Variants in ARID2 observed in about 807,000 individuals in gnomAD.
ARID2 encodes AT-rich interactive domain-containing protein 2.
A neutral mutation model predicts 184.6 loss-of-function variants in ARID2; 32 were observed. The observed-to-expected ratio is 0.17, with a 90% CI of 0.13 to 0.23. The LOEUF is 0.23. ARID2 is among the 10% of genes least tolerant of loss of function. The pLI is 1.00. For synonymous variants in ARID2, 836 were observed against 772.6 expected (o/e 1.08, Z -1.36); for missense variants, 1,696 against 2,197.6 (o/e 0.77, Z 4.56).
intron 16 of ARID2, chr12:45,881,494 T>C (rs750929665): frequency 6.5e-6 from 1 of 153,050 alleles, no homozygotes; most frequent in African/African-American, 2.4e-5. Flanking sequence ...AGTTTCTTCT[T>C]TGCTGTGACC....
chr12:45,783,597 C>T (rs953208596), intron 3 of ARID2, among the ~76,000 whole-genome samples: 4 of 152,216 alleles, frequency 2.6e-5, no homozygotes, highest in Non-Finnish European at 5.9e-5. Context: ...TCATTAGATT[C>T]TCATAATGAG....
chr12:45,788,870 A>G (rs1038690525), intron 3 of ARID2, among the ~76,000 whole-genome samples: 3 of 152,246 alleles, frequency 2.0e-5, no homozygotes, highest in Non-Finnish European at 4.4e-5. Context: ...GATCATGTGT[A>G]TTAAATAAAT....
At chr12:45,790,163 A>G (rs575748310) in intron 3 of ARID2, among the ~76,000 whole-genome samples, 1 of 152,242 alleles carries the variant, frequency 6.6e-6, no homozygotes, top group African/African-American at 2.4e-5. Context: ...GTTTATTAGT[A>G]CTTTTATTAT....
chr12:45,848,728 A>G, intron 12 of ARID2, 108 bp from the exon 13 acceptor site: 1 of 872,250 alleles, frequency 1.1e-6, no homozygotes, highest in Non-Finnish European at 1.6e-6. Context: ...TTTGATTAGT[A>G]GGTATAATTA....
Position 45,772,958 on chromosome 12 carries a change from G to A in ARID2, c.285-38460G>A, listed in dbSNP as rs185202064. 1.3e-3 allele frequency among the ~76,000 whole-genome samples: 202 copies of A among 152,248 alleles called. 1 individual carries two copies. Among genetic ancestry groups the A allele is most frequent in the Non-Finnish European group, 2.5e-3 (172 of 67,994 alleles). ...CACTATCCAACAGTAGCAGAATATG[G>A]ATTTTTCTGTAGTGCAAACGGAATA... On this transcript the variant is annotated intron_variant, in intron 3 of 20. Transcript: ENST00000334344.
chr12:45,779,067 A>G (rs1009869896), intron 3 of ARID2, among the ~76,000 whole-genome samples: 3 of 151,900 alleles, frequency 2.0e-5, no homozygotes, highest in African/African-American at 7.2e-5. Context: ...CATAATTTTA[A>G]CTTCTTTTTA....
intron 6 of ARID2, among the ~76,000 whole-genome samples, chr12:45,835,779 A>G (rs1271230512): frequency 1.3e-5 from 2 of 152,082 alleles, no homozygotes; most frequent in African/African-American, 2.4e-5. Context: ...GCGTGCCTAT[A>G]ATTCCAGCTA....
chr12:45,882,870 A>T (rs1804252488), intron 16 of ARID2, among the ~76,000 whole-genome samples: 1 of 152,256 alleles, frequency 6.6e-6, no homozygotes, highest in Admixed American at 6.5e-5. Context: ...TGCACATAAA[A>T]TGCTTTTAAC....
At position 45,839,364 on chromosome 12, in the gene ARID2, A is replaced by C; in HGVS notation, c.1366A>C (p.Met456Leu). The C allele has an allele frequency of 6.2e-7, 1 of 1,613,298 alleles. No homozygotes were observed. The highest frequency in any genetic ancestry group is 8.5e-7 in the Non-Finnish European group (1 of 1,179,834). The change falls in exon 11 of 21, where the codon ATG (methionine) becomes CTG (leucine). Residue 456 changes from methionine (M) to leucine (L), a missense_variant. By Grantham distance (15) the Met-to-Leu change is conservative. Transcript: ENST00000334344. Reference sequence around the variant, plus strand: ...GTGTCTGGTTTCTATGGATATTCAGATGTTTGGCCCTGATGCACTAGCTGC... The same window carrying C: ...GTGTCTGGTTTCTATGGATATTCAGCTGTTTGGCCCTGATGCACTAGCTGC... ...LVCLVSMDIQ[M>L]FGPDALAAVK...
At chr12:45,832,520 A>C (rs892803423) in intron 6 of ARID2, among the ~76,000 whole-genome samples, 2 of 151,950 alleles carry the variant, frequency 1.3e-5, no homozygotes, top group African/African-American at 4.8e-5. Context: ...TTCGCTACCC[A>C]GGCTGGAGTG....
At chr12:45,788,464 G>A (rs1363041493) in intron 3 of ARID2, among the ~76,000 whole-genome samples, 3 of 152,046 alleles carry the variant, frequency 2.0e-5, no homozygotes, top group Non-Finnish European at 4.4e-5. Flanking sequence ...TGACCCTGAT[G>A]TATCTTTATT....
In ARID2 at chr12:45,905,565, G is replaced by A; in HGVS notation, c.*487G>A. On this transcript the variant is annotated 3_prime_UTR_variant, in exon 21 of 21. Transcript: ENST00000334344. ...ACACCTATACCCCCGATCTCAGAGG[G>A]GGCCACCAATATCTAGCTATGGATC... The A allele has an allele frequency of 4.3e-6, 1 of 233,308 alleles. No individual in the cohort carries two copies. Among genetic ancestry groups the A allele is most frequent in the Non-Finnish European group, 8.5e-6 (1 of 117,878 alleles). The allele number at this position is 233,308 out of a possible 1,614,324, so 14.5% of individuals were successfully genotyped here.
At chr12:45,888,367 A>G (rs781242857) in intron 16 of ARID2, among the ~76,000 whole-genome samples, 1 of 152,228 alleles carries the variant, frequency 6.6e-6, no homozygotes, top group Non-Finnish European at 1.5e-5. Context: ...TGAATTGCAG[A>G]TAGTTTCTAT....
At chr12:45,838,335 A>C (rs1445625997) in intron 10 of ARID2, among the ~76,000 whole-genome samples, 1 of 152,228 alleles carries the variant, frequency 6.6e-6, no homozygotes, top group Non-Finnish European at 1.5e-5. Flanking sequence ...TTTCTTAGGT[A>C]TAATAAATAT....
chr12:45,857,368 T>G (rs1943668250), intron 15 of ARID2, among the ~76,000 whole-genome samples: 1 of 152,132 alleles, frequency 6.6e-6, no homozygotes, highest in Non-Finnish European at 1.5e-5. Context: ...AAAGAACAGT[T>G]TAGCAAGAGC....
Position 45,817,750 on chromosome 12 carries a change from T to A in ARID2, c.499T>A (p.Ser167Thr). Residue 167 changes from serine (S) to threonine (T), a missense_variant, in exon 5 of 21, where the codon TCT becomes ACT. Coordinates refer to ENST00000334344, the MANE Select transcript of ARID2 (RefSeq NM_152641.4). ...TAATAAATTGGTGCTTTCACTGTTA[T>A]CTGGACTCCCAAATGAAGTGGACTT... ...DYNKLVLSLL[S>T]GLPNEVDFAI... is the part of the protein sequence containing the mutation. The A allele has an allele frequency of 1.2e-6, 2 of 1,613,286 alleles. No individual in the cohort carries two copies. Among genetic ancestry groups the A allele is most frequent in the Non-Finnish European group, 1.7e-6 (2 of 1,179,798 alleles).
intron 3 of ARID2, chr12:45,789,304 G>A (rs957209231): frequency 6.6e-6 from 1 of 152,146 alleles, no homozygotes; most frequent in African/African-American, 2.4e-5. Flanking sequence ...ATTATATTTT[G>A]TCTGTGAGAT....
At position 45,851,778 on chromosome 12, in the gene ARID2, G is replaced by C; in HGVS notation, c.3655G>C (p.Ala1219Pro). The change falls in exon 15 of 21, where the codon GCC becomes CCC. Residue 1219 changes from alanine (A) to proline (P), a missense_variant. This residue lies in a region of ARID2 where 428 missense variants were observed against 409.1 expected (regional missense o/e 1.05). Transcript: ENST00000334344. ...TGGACTTCCAGTACAAACGCTTCCA[G>C]CCACTCAAGCATCTCCTGCTGGACA... ...GVGLPVQTLPATQASPAGQSS... is the reference protein window; with the variant it reads ...GVGLPVQTLPPTQASPAGQSS... The C allele has an allele frequency of 6.2e-7, 1 of 1,614,096 alleles. No homozygotes were observed. The highest frequency in any genetic ancestry group is 8.5e-7 in the Non-Finnish European group (1 of 1,179,996).
intron 3 of ARID2, among the ~76,000 whole-genome samples, chr12:45,805,828 A>G (rs1221707663): frequency 6.6e-6 from 1 of 152,154 alleles, no homozygotes; most frequent in East Asian, 1.9e-4. Flanking sequence ...GTTACCTAAA[A>G]TCCCCATCCT....
Sources: allele counts gnomAD v4.1 joint callset (sites outside exome capture counted in the v4.1 genomes callset), GRCh38; gene constraint gnomAD v4.1.1; regional missense constraint gnomAD v4.1.1; transcripts MANE v1.5; gene names NCBI Gene and HGNC (gene_info 2026-07-23, HGNC 2026-07-21).